Variants in PNN observed in about 807,000 individuals in gnomAD.
PNN encodes the protein pinin.
Under a neutral mutation model 76.6 loss-of-function variants are expected in PNN, and 38 were observed. The ratio of observed to expected loss-of-function variants is 0.50; its 90% CI spans 0.38 to 0.65. The LOEUF (loss-of-function observed/expected upper bound fraction) is 0.65, where lower values mean the gene tolerates loss of function less well. PNN is among the 30% of genes least tolerant of loss of function. The pLI, the probability that PNN is intolerant of heterozygous loss-of-function variation, is 0.00. For synonymous variants in PNN, 366 were observed against 283.7 expected, an observed-to-expected ratio of 1.29 and a Z score of -2.91; for missense variants, 873 against 874.1, an observed-to-expected ratio of 1.00 and a Z score of 0.02.
chr14:39,181,581 C>T lies in PNN; in HGVS notation c.1872C>T (p.Ser624=), dbSNP rs62640373. The T allele has an allele frequency of 3.5e-3, 5,629 of 1,613,536 alleles. 161 individuals are homozygous for T. The African/African-American group carries it at 0.066, about 19-fold the overall frequency. The change falls in exon 9 of 9, where the codon AGC becomes AGT. Residue 624 remains serine, a synonymous_variant. Transcript: ENST00000216832. ...SGSSSRDSSS[S]TSSSSESRSR... is the part of the protein sequence containing the mutation. Reference sequence around the variant, plus strand: ...GCAGCAGCAGAGATAGTAGCAGTAGCACTAGTAGTAGTAGTGAGAGTAGAA... The same window carrying T: ...GCAGCAGCAGAGATAGTAGCAGTAGTACTAGTAGTAGTAGTGAGAGTAGAA...
intron 3 of PNN, among the ~76,000 whole-genome samples, 167 bp from the exon 4 acceptor site, chr14:39,177,245 G>T (rs1291276293): frequency 6.6e-6 from 1 of 152,166 alleles, no homozygotes; most frequent in African/African-American, 2.4e-5. Flanking sequence ...AGTTACCCAG[G>T]CATGCTGGCT....
chr14:39,176,451 C>A, intron 2 of PNN, 76 bp from the exon 3 acceptor site: 1 of 1,130,034 alleles, frequency 8.8e-7, no homozygotes, highest in Non-Finnish European at 1.3e-6. Context: ...GAAAGTTTAA[C>A]CATATTCTCT....
In PNN at chr14:39,177,504, TTAAA is replaced by T. The variant is rs762825581; in HGVS notation, c.327+22_327+25del. The T allele has an allele frequency of 2.5e-6, 4 of 1,608,840 alleles. No individual in the cohort carries two copies. The highest frequency in any genetic ancestry group is 3.4e-6 in the Non-Finnish European group (4 of 1,175,302). On this transcript the variant is annotated intron_variant, in intron 4 of 8. Coordinates refer to ENST00000216832, the MANE Select transcript of PNN (RefSeq NM_002687.4). ...AAAAAGGTATTGAGATTGAAAGAAC[TTAAA>T]TGAATGTAGTACCTTCACTTTACTA...
rs747234601 is a variant in PNN, at chr14:39,180,873, T to G, written c.1164T>G (p.Asp388Glu). ...ATAGTCAGCCTGAAGAAGTTATGGA[T>G]GTGCTAGAGATGGTTGAGAATGTCA... The part of the protein sequence containing the change: ...QQDSQPEEVM[D>E]VLEMVENVKH... Residue 388 changes from aspartate to glutamate, a missense_variant, in exon 9 of 9, where the codon GAT becomes GAG. By Grantham distance (45) the Asp-to-Glu change is conservative (BLOSUM62 2). Transcript: ENST00000216832. 7 of 1,614,052 alleles carry G rather than the reference T, an allele frequency of 4.3e-6. No individual in the cohort carries two copies. In the South Asian group the frequency reaches 7.7e-5, roughly 18 times the overall value.
In PNN at chr14:39,181,610, G is replaced by C; in HGVS notation, c.1901G>C (p.Arg634Pro). 1.9e-6 allele frequency: 3 copies of C among 1,614,082 alleles called. No individual in the cohort carries two copies. The highest frequency in any genetic ancestry group is 2.5e-6 in the Non-Finnish European group (3 of 1,180,014). The change falls in exon 9 of 9, where the codon CGG (arginine) becomes CCG (proline). Residue 634 changes from arginine (R) to proline (P), a missense_variant. Around this residue, in one of 3 missense-constraint regions of PNN, gnomAD observed 712 missense variants for 693.1 expected, o/e 1.03. Transcript: ENST00000216832. ...STSSSSESRS[R>P]SRGRGHNRDR... is the part of the protein sequence containing the mutation. ...AGTAGTAGTAGTGAGAGTAGAAGTC[G>C]GAGTAGGGGCCGGGGACATAATAGA... is the stretch of plus-strand genomic sequence containing the variant.
chr14:39,177,972 TA>T, intron 6 of PNN, 56 bp downstream of exon 6: 1 of 1,090,746 alleles, frequency 9.2e-7, no homozygotes, highest in Non-Finnish European at 1.4e-6. Context: ...AGTAGTAGAT[TA>T]ATGTTTTTTT....
rs763642358 is a variant in PNN at position 39,177,921 on chromosome 14, T to C, written c.498+5T>C. ...TCCACTGTTGCTACTGAAAGGGTAT[T>C]TATCCAAGTTTTGTTTTGCATCATA... is the stretch of plus-strand genomic sequence containing the variant. On this transcript the variant is annotated splice_donor_5th_base_variant and intron_variant, in intron 6 of 8. Transcript: ENST00000216832. 1 of 1,571,830 alleles carries C rather than the reference T, an allele frequency of 6.4e-7. No individual in the cohort carries two copies. The highest frequency in any genetic ancestry group is 8.7e-7 in the Non-Finnish European group (1 of 1,143,540).
At chr14:39,175,564 C>T (rs915712791) in intron 1 of PNN, among the ~76,000 whole-genome samples, 172 bp downstream of exon 1, 5 of 152,214 alleles carry the variant, frequency 3.3e-5, no homozygotes, top group Admixed American at 6.5e-5. Flanking sequence ...CCCCAGGTCC[C>T]CTCCGTAGAG....
At position 39,177,990 on chromosome 14, in the gene PNN, A is replaced by G. The variant is rs563198404; in HGVS notation, c.498+74A>G. 5 of 1,008,028 alleles carry G rather than the reference A, an allele frequency of 5.0e-6. No homozygotes were observed. In the South Asian group the frequency reaches 5.5e-5, roughly 11 times the overall value. 62.4% of individuals were successfully genotyped at this position (1,008,028 alleles called of 1,614,324 possible). A position where few individuals can be genotyped will look rare whatever the true frequency, so the allele number is the denominator to read the frequency against. On this transcript the variant is annotated intron_variant, in intron 6 of 8. Transcript: ENST00000216832. ...AGTAGATTAATGTTTTTTTTAAAAA[A>G]TCCTTAAAGCTCTTTTAAGACCTAA...
Position 39,180,864 on chromosome 14 carries a change from A to C in PNN, c.1155A>C (p.Glu385Asp), listed in dbSNP as rs1458160554. Residue 385 changes from glutamate (E) to aspartate (D), a missense_variant, in exon 9 of 9, where the codon GAA becomes GAC. Around this residue, in one of 3 missense-constraint regions of PNN, gnomAD observed 712 missense variants for 693.1 expected, o/e 1.03. Coordinates refer to ENST00000216832, the MANE Select transcript of PNN (RefSeq NM_002687.4). The part of the protein sequence containing the change: ...SEKQQDSQPE[E>D]VMDVLEMVEN... ...AGCAGCAGGATAGTCAGCCTGAAGA[A>C]GTTATGGATGTGCTAGAGATGGTTG... The C allele has an allele frequency of 1.3e-5, 21 of 1,614,108 alleles. No homozygotes were observed. Among genetic ancestry groups the C allele is most frequent in the Non-Finnish European group, 1.8e-5 (21 of 1,180,034 alleles).
At chr14:39,175,505 C>A (rs775269016) in intron 1 of PNN, 113 bp downstream of exon 1, 1 of 710,786 alleles carries the variant, frequency 1.4e-6, no homozygotes, top group South Asian at 1.6e-5. Context: ...ACCTCGAGGC[C>A]TGTTCGCGGG....
Position 39,181,914 on chromosome 14 carries a change from A to AT in PNN, c.*52dup, listed in dbSNP as rs762749389. The AT allele has an allele frequency of 5.3e-6, 8 of 1,499,326 alleles. No homozygotes were observed. Among genetic ancestry groups the AT allele is most frequent in the East Asian group, 2.3e-5 (1 of 44,150 alleles). The allele number at this position is 1,499,326 out of a possible 1,614,324, so 92.9% of individuals were successfully genotyped here. On this transcript the variant is annotated 3_prime_UTR_variant, in exon 9 of 9. Coordinates refer to ENST00000216832, the MANE Select transcript of PNN (RefSeq NM_002687.4). ...ATTCTTTGCAGCAGAAGATTTCTTG[A>AT]TAAAAAAGGATTACCTTTCCTTGTA... is the stretch of plus-strand genomic sequence containing the variant.
Position 39,179,123 on chromosome 14 carries a change from T to A in PNN, c.531T>A (p.Leu177=), listed in dbSNP as rs776236197. ...QKRRQEIEQK[L]EVQAEEERKQ... is the part of the protein sequence containing the mutation. The stretch of plus-strand genomic sequence containing the variant: ...GGCGCCAGGAAATTGAACAAAAACT[T>A]GAAGTTCAGGCAGAAGAAGAGAGAA... Residue 177 remains leucine (L), a synonymous_variant, in exon 7 of 9, where the codon CTT becomes CTA. Transcript: ENST00000216832. The A allele has an allele frequency of 6.2e-7, 1 of 1,611,832 alleles. No homozygotes were observed. The highest frequency in any genetic ancestry group is 1.1e-5 in the South Asian group (1 of 90,450).
intron 8 of PNN, among the ~76,000 whole-genome samples, 174 bp downstream of exon 8, chr14:39,179,636 G>A (rs1005107315): frequency 2.0e-5 from 3 of 152,054 alleles, no homozygotes; most frequent in African/African-American, 7.2e-5. Context: ...GCTCACGCCT[G>A]TAATCCCAGC....
rs375793021 is a variant in PNN at position 39,181,130 on chromosome 14, C to G, written c.1421C>G (p.Ala474Gly). 13 of 1,610,156 alleles carry G rather than the reference C, an allele frequency of 8.1e-6. No individual in the cohort carries two copies. Among genetic ancestry groups the G allele is most frequent in the African/African-American group, 4.0e-5 (3 of 74,846 alleles). The change falls in exon 9 of 9, where the codon GCT becomes GGT. Residue 474 changes from alanine (A) to glycine (G), a missense_variant. Around this residue, in one of 3 missense-constraint regions of PNN, gnomAD observed 712 missense variants for 693.1 expected, o/e 1.03. Transcript: ENST00000216832. Reference protein sequence around the residue: ...KESEPQPEPVAQPQPQSQPQL... With the variant: ...KESEPQPEPVGQPQPQSQPQL... ...TCTGAGCCCCAACCTGAGCCTGTGG[C>G]TCAACCTCAGCCTCAGTCTCAGCCC...
chr14:39,176,149 G>C lies in PNN; in HGVS notation c.185G>C (p.Arg62Thr). 1 of 1,571,202 alleles carries C rather than the reference G, an allele frequency of 6.4e-7. No homozygotes were observed. Among genetic ancestry groups the C allele is most frequent in the Non-Finnish European group, 8.8e-7 (1 of 1,141,092 alleles). The change falls in exon 2 of 9, where the codon AGG (arginine) becomes ACG (threonine). Residue 62 changes from arginine to threonine, a missense_variant and splice_region_variant. Physicochemically the swap from Arg to Thr is moderately conservative, Grantham distance 71. Transcript: ENST00000216832. ...GGRGRGSLLL[R>T]RGFSDSGGGP... ...AGAGGACGTGGTAGTTTATTACTGA[G>C]GTAAGATTTCCTTTGGACTTTACTC...
chr14:39,180,637 GGTA>G lies in PNN; in HGVS notation c.929_931del (p.Gly310_Lys311delinsGlu), dbSNP rs747216206. ...AGAACAGAAGGCGGAACAAGAAGAGGGTAAGGTGGCTCAGCGAGAGGAAGAGTT... is the reference window on the plus strand; with the variant it reads ...AGAACAGAAGGCGGAACAAGAAGAGGAGGTGGCTCAGCGAGAGGAAGAGTT... On this transcript the variant is annotated inframe_deletion, in exon 9 of 9. Coordinates refer to ENST00000216832, the MANE Select transcript of PNN (RefSeq NM_002687.4). The G allele has an allele frequency of 5.0e-6, 8 of 1,613,724 alleles. No individual in the cohort carries two copies. The South Asian group carries it at 8.8e-5, about 18-fold the overall frequency.
At position 39,177,584 on chromosome 14, in the gene PNN, T is replaced by C; in HGVS notation, c.328-9T>C. Reference sequence around the variant, plus strand: ...CTAGTTAAATTACTGAGATTTTCTTTTTCTGCAGCCAGCATTGCAGTCTTC... The same window carrying C: ...CTAGTTAAATTACTGAGATTTTCTTCTTCTGCAGCCAGCATTGCAGTCTTC... On this transcript the variant is annotated splice_polypyrimidine_tract_variant and intron_variant, in intron 4 of 8. Transcript: ENST00000216832. 3 of 1,613,028 alleles carry C rather than the reference T, an allele frequency of 1.9e-6. No individual in the cohort carries two copies. The highest frequency in any genetic ancestry group is 2.7e-5 in the African/African-American group (2 of 75,036).
intron 1 of PNN, 22 bp downstream of exon 1, chr14:39,175,414 G>T (rs1300227592): frequency 1.4e-6 from 2 of 1,439,460 alleles, no homozygotes; most frequent in Non-Finnish European, 1.9e-6. Flanking sequence ...ACGGGAACTC[G>T]GAACTCGGAG....
Sources: allele counts gnomAD v4.1 joint callset (sites outside exome capture counted in the v4.1 genomes callset), GRCh38; gene constraint gnomAD v4.1.1; regional missense constraint gnomAD v4.1.1; transcripts MANE v1.5; gene names NCBI Gene and HGNC (gene_info 2026-07-23, HGNC 2026-07-21).